The following DENND1B variants were observed in gnomAD, a reference collection of about 807,000 sequenced individuals.
The protein encoded by DENND1B is DENN domain containing 1B, also known as DENN domain-containing protein 1B.
In DENND1B, 59 loss-of-function variants were observed where a neutral mutation model predicts 90.1. The observed-to-expected ratio is 0.65, with a 90% CI of 0.53 to 0.81. The LOEUF (loss-of-function observed/expected upper bound fraction) is 0.81. Ranked by LOEUF, DENND1B falls within the 40% of genes least tolerant of loss-of-function variation. The pLI is 0.00. For synonymous variants in DENND1B, 337 were observed against 324.6 expected, an observed-to-expected ratio of 1.04 and a Z score of -0.41; for missense variants, 862 against 912.6, an observed-to-expected ratio of 0.94 and a Z score of 0.71.
intron 2 of DENND1B, among the ~76,000 whole-genome samples, chr1:197,723,038 C>T (rs536265347): frequency 2.0e-5 from 3 of 152,070 alleles, no homozygotes; most frequent in African/African-American, 7.2e-5. Context: ...TAATTCTAAC[C>T]TTTCTAAATA....
At chr1:197,691,016 A>G (rs1657817084) in intron 3 of DENND1B, among the ~76,000 whole-genome samples, 2 of 152,180 alleles carry the variant, frequency 1.3e-5, no homozygotes, top group East Asian at 3.9e-4. Context: ...TGGTCTTCGC[A>G]ATAATTTCTT....
intron 15 of DENND1B, among the ~76,000 whole-genome samples, chr1:197,562,580 G>A (rs1672264018): frequency 6.6e-6 from 1 of 151,860 alleles, no homozygotes; most frequent in Non-Finnish European, 1.5e-5. Context: ...AAGTCAGCAA[G>A]CTTAATTGAT....
chr1:197,738,974 G>A (rs1302194621), intron 2 of DENND1B, among the ~76,000 whole-genome samples: 2 of 152,196 alleles, frequency 1.3e-5, no homozygotes, highest in Admixed American at 6.5e-5. Context: ...TCCACAAAGA[G>A]AACAGAGACG....
chr1:197,734,459 T>C (rs1317096642), intron 2 of DENND1B: 4 of 983,076 alleles, frequency 4.1e-6, no homozygotes, highest in Non-Finnish European at 4.8e-6. Flanking sequence ...ATATTGAAAA[T>C]TAAGTGAAAA....
chr1:197,607,192 T>C lies in DENND1B; in HGVS notation c.820-18A>G, dbSNP rs1193655906. 6.7e-7 allele frequency: 1 copy of C among 1,490,008 alleles called. No individual in the cohort carries two copies. The highest frequency in any genetic ancestry group is 2.3e-5 in the East Asian group (1 of 43,528). 92.3% of individuals were successfully genotyped at this position (1,490,008 alleles called of 1,614,324 possible). On this transcript the variant is annotated intron_variant, in intron 12 of 22. Coordinates refer to ENST00000620048, the MANE Select transcript of DENND1B (RefSeq NM_001195215.2). ...TTCACTCTCTATAAAAAAAACACAA[T>C]TATGAATACAAATCAGTATATTTAC...
At chr1:197,773,019 GT>G (rs1427294641) in intron 1 of DENND1B, 87 bp from the exon 2 acceptor site, 1 of 1,124,010 alleles carries the variant, frequency 8.9e-7, no homozygotes, top group East Asian at 2.6e-5. Context: ...AACTAATCTT[GT>G]TTTTGTCTCA....
At chr1:197,616,456 T>C (rs921071048) in intron 11 of DENND1B, among the ~76,000 whole-genome samples, 2 of 151,016 alleles carry the variant, frequency 1.3e-5, no homozygotes, top group African/African-American at 2.4e-5. Flanking sequence ...TGCCAAACAG[T>C]TTCTCCTTTC....
chr1:197,621,132 G>C (rs1000459997), intron 10 of DENND1B, among the ~76,000 whole-genome samples: 12 of 151,274 alleles, frequency 7.9e-5, no homozygotes, highest in Admixed American at 7.3e-4. Context: ...AATGGCAGGA[G>C]ATGAGGTCAG....
intron 2 of DENND1B, chr1:197,734,574 T>C (rs1662460872): frequency 2.0e-6 from 2 of 981,612 alleles, no homozygotes; most frequent in Non-Finnish European, 2.4e-6. Context: ...AAAATCTTTT[T>C]CCTTCTTTCA....
At chr1:197,758,492 C>T (rs1020952595) in intron 2 of DENND1B, among the ~76,000 whole-genome samples, 1 of 152,158 alleles carries the variant, frequency 6.6e-6, no homozygotes, top group Non-Finnish European at 1.5e-5. Context: ...CATTTTCATG[C>T]TATTATGTAT....
chr1:197,651,473 T>C (rs1405517591), intron 7 of DENND1B, among the ~76,000 whole-genome samples: 4 of 151,930 alleles, frequency 2.6e-5, no homozygotes, highest in Non-Finnish European at 5.9e-5. Context: ...AGAAGACATA[T>C]TACTGTATAG....
At chr1:197,517,498 C>T (rs1217619326) in intron 20 of DENND1B, among the ~76,000 whole-genome samples, 5 of 151,818 alleles carry the variant, frequency 3.3e-5, no homozygotes, top group Non-Finnish European at 7.4e-5. Flanking sequence ...TTTTCTCTTA[C>T]ATTTATCCTC....
At chr1:197,566,322 C>T (rs4379704) in intron 15 of DENND1B, among the ~76,000 whole-genome samples, 1 of 151,966 alleles carries the variant, frequency 6.6e-6, no homozygotes, top group East Asian at 1.9e-4. Context: ...CCTTTGCCCA[C>T]TTTTTGATGG....
At position 197,747,172 on chromosome 1, in the gene DENND1B, G is replaced by A. The variant is rs762745536; in HGVS notation, c.82+25696C>T. On this transcript the variant is annotated intron_variant, in intron 2 of 22. Transcript: ENST00000620048. ...TCTTTTTTTCCCTCTGAATCTTGAG[G>A]TTGCGTTTTTCTGTTCAGAATGTTT... 5.3e-6 allele frequency: 4 copies of A among 754,852 alleles called. No homozygotes were observed. In the African/African-American group the frequency reaches 7.0e-5, roughly 13 times the overall value. 46.8% of individuals were successfully genotyped at this position (754,852 alleles called of 1,614,324 possible).
chr1:197,572,342 G>A (rs974458112), intron 15 of DENND1B, among the ~76,000 whole-genome samples: 21 of 152,200 alleles, frequency 1.4e-4, no homozygotes, highest in African/African-American at 4.1e-4. Flanking sequence ...ATTGACCTGT[G>A]AGGCAGCAGC....
upstream of DENND1B, among the ~76,000 whole-genome samples, chr1:197,777,025 G>T (rs1276701478): frequency 2.0e-5 from 3 of 151,638 alleles, no homozygotes; most frequent in Non-Finnish European, 1.5e-5. Flanking sequence ...TCACAATTAG[G>T]CAAACTATAC....
At position 197,510,801 on chromosome 1, in the gene DENND1B, G is replaced by C. The variant is rs775545344; in HGVS notation, c.1987C>G (p.Leu663Val). Residue 663 changes from leucine (L) to valine (V), a missense_variant, in exon 23 of 23, where the codon CTG becomes GTG. Transcript: ENST00000620048. ...TGCTTGTTACTGTTTTCCTCTTTCA[G>C]GATAAACAGAGAATCTGTCAAACCA... Reference protein sequence around the residue: ...SSGLTDSLFILKEENSNKHLG... With the variant: ...SSGLTDSLFIVKEENSNKHLG... The C allele has an allele frequency of 5.0e-6, 8 of 1,612,126 alleles. No homozygotes were observed. In the African/African-American group the frequency reaches 1.1e-4, roughly 22 times the overall value.
At chr1:197,583,566 C>T (rs996683911) in intron 14 of DENND1B, among the ~76,000 whole-genome samples, 1 of 152,110 alleles carries the variant, frequency 6.6e-6, no homozygotes, top group Admixed American at 6.5e-5. Context: ...AGCACACATA[C>T]CTGAAAATAT....
chr1:197,775,057 G>C, intron 1 of DENND1B, 82 bp downstream of exon 1: 1 of 985,994 alleles, frequency 1.0e-6, no homozygotes, highest in South Asian at 4.9e-5. Context: ...GGTTGAGCGC[G>C]GAGGCGCGGA....
Sources: gnomAD v4.1 joint callset for allele counts (sites outside exome capture counted in the v4.1 genomes callset) on GRCh38, gnomAD v4.1.1 for gene constraint, MANE v1.5 for transcripts, NCBI Gene and HGNC (gene_info 2026-07-23, HGNC 2026-07-21) for gene names.